MMP25: variants seen among roughly 807,000 people sequenced by gnomAD.
The protein encoded by MMP25 is matrix metalloproteinase-25.
In MMP25, 68 loss-of-function variants were observed where a neutral mutation model predicts 62.1. The observed-to-expected ratio is 1.10, with a 90% CI of 0.90 to 1.34. MMP25 has a LOEUF of 1.34. Ranked by LOEUF, MMP25 falls within the 40% of genes most tolerant of loss-of-function variation. MMP25 has a pLI of 0.00. For missense variants in MMP25, 942 were observed against 792.5 expected, an observed-to-expected ratio of 1.19 and a Z score of -2.26; for synonymous variants, 407 against 345.6, an observed-to-expected ratio of 1.18 and a Z score of -1.97.
At chr16:3,048,754 C>G (rs967634068) in intron 2 of MMP25, among the ~76,000 whole-genome samples, 1 of 152,000 alleles carries the variant, frequency 6.6e-6, no homozygotes, top group Non-Finnish European at 1.5e-5. Context: ...GATTAGCAAC[C>G]ACCTAAGTGT....
chr16:3,047,985 A>C (rs1955845741), intron 2 of MMP25, among the ~76,000 whole-genome samples: 1 of 151,954 alleles, frequency 6.6e-6, no homozygotes, highest in African/African-American at 2.4e-5. Flanking sequence ...GATTACAGGC[A>C]CGCACCATCA....
chr16:3,051,519 A>C (rs533132037), intron 4 of MMP25: 1 of 152,256 alleles, frequency 6.6e-6, no homozygotes, highest in Non-Finnish European at 1.5e-5. Context: ...TCACCATGGC[A>C]TCTAGACTGG....
At chr16:3,049,856 C>T (rs760877651) in intron 2 of MMP25, 153 bp from the exon 3 acceptor site, 23 of 1,124,920 alleles carry the variant, frequency 2.0e-5, no homozygotes, top group Non-Finnish European at 3.0e-5. Context: ...AGACAGACTG[C>T]CTGGGTTCAA....
Position 3,047,517 on chromosome 16 carries a change from T to G in MMP25, c.202T>G (p.Phe68Val). 1 of 1,613,536 alleles carries G rather than the reference T, an allele frequency of 6.2e-7. No individual in the cohort carries two copies. Among genetic ancestry groups the G allele is most frequent in the African/African-American group, 1.3e-5 (1 of 74,982 alleles). ...CGATGCCATCAAAGTCATGCAGAGG[T>G]TCGCGGGGCTGCCGGAGACCGGCCG... The part of the protein sequence containing the change: ...LRDAIKVMQR[F>V]AGLPETGRMD... Residue 68 changes from phenylalanine (F) to valine (V), a missense_variant, in exon 2 of 10, where the codon TTC becomes GTC. Phe to Val is a conservative substitution (Grantham distance 50). Transcript: ENST00000336577.
intron 2 of MMP25, 27 bp downstream of exon 2, chr16:3,047,574 C>T (rs776341467): frequency 1.2e-6 from 2 of 1,607,382 alleles, no homozygotes; most frequent in Admixed American, 3.3e-5. Context: ...CCTCCCCAGC[C>T]CTGCCTCTGC....
At chr16:3,047,144 G>C in intron 1 of MMP25, 128 bp downstream of exon 1, 1 of 1,160,138 alleles carries the variant, frequency 8.6e-7, no homozygotes. Flanking sequence ...TGAGGATGGG[G>C]TCTGTGCTCC....
At position 3,046,982 on chromosome 16, in the gene MMP25, C is replaced by G. The variant is rs1171974660; in HGVS notation, c.65C>G (p.Pro22Arg). The G allele has an allele frequency of 6.8e-6, 10 of 1,472,226 alleles. No homozygotes were observed. Among genetic ancestry groups the G allele is most frequent in the Admixed American group, 4.9e-5 (2 of 40,774 alleles). 91.2% of individuals were successfully genotyped at this position (1,472,226 alleles called of 1,614,324 possible). Residue 22 changes from proline (P) to arginine (R), a missense_variant, in exon 1 of 10, where the codon CCG becomes CGG. Physicochemically the swap from Pro to Arg is moderately radical, Grantham distance 103. Transcript: ENST00000336577. ...CTGCTGGCACCGCCCGCGCGCGCCC[C>G]GAAGCCCTCGGCGCAGGACGTGAGC... ...LLLLAPPARA[P>R]KPSAQDVSLG...
rs1316000907 is a variant in MMP25, at chr16:3,050,346, G to T, written c.461G>T (p.Gly154Val). The change falls in exon 4 of 10, where the codon GGC becomes GTC. Residue 154 changes from glycine to valine, a missense_variant. By Grantham distance (109) the Gly-to-Val change is moderately radical. Coordinates refer to ENST00000336577, the MANE Select transcript of MMP25 (RefSeq NM_022468.5). ...YALMAWGMES[G>V]LTFHEVDSPQ... ...CTGATGGCCTGGGGCATGGAGTCAG[G>T]CCTCACATTTCATGAGGTGGATTCC... 6.2e-7 allele frequency: 1 copy of T among 1,613,930 alleles called. No homozygotes were observed. Among genetic ancestry groups the T allele is most frequent in the Non-Finnish European group, 8.5e-7 (1 of 1,180,024 alleles).
At chr16:3,050,204 CT>C (rs1237556703) in intron 3 of MMP25, 49 bp from the exon 4 acceptor site, 1 of 1,575,660 alleles carries the variant, frequency 6.3e-7, no homozygotes, top group East Asian at 2.3e-5. Context: ...CTTTGAATGG[CT>C]GCCTGCTCCC....
Position 3,059,189 on chromosome 16 carries a change from C to T in MMP25, c.*91C>T, listed in dbSNP as rs1567130370. On this transcript the variant is annotated 3_prime_UTR_variant, in exon 10 of 10. Transcript: ENST00000336577. ...GGGGGTTGTGAGGCGCTGCGGAGGC[C>T]CCTTGTCTGTTCCCACGGACGGGGG... 5 of 1,382,656 alleles carry T rather than the reference C, an allele frequency of 3.6e-6. No individual in the cohort carries two copies. The highest frequency in any genetic ancestry group is 2.3e-4 in the Middle Eastern group (1 of 4,352). The allele number at this position is 1,382,656 out of a possible 1,614,324, so 85.6% of individuals were successfully genotyped here.
intron 4 of MMP25, chr16:3,051,643 C>T (rs1014347573): frequency 1.3e-5 from 2 of 152,072 alleles, no homozygotes; most frequent in South Asian, 2.1e-4. Context: ...CTTGCGGAGA[C>T]GAAAACAAAT....
chr16:3,058,834 C>T lies in MMP25; in HGVS notation c.1425C>T (p.Thr475=). Residue 475 remains threonine (T), a synonymous_variant, in exon 10 of 10, where the codon ACC becomes ACT. Coordinates refer to ENST00000336577, the MANE Select transcript of MMP25 (RefSeq NM_022468.5). ...DDVTVSNAGD[T]YFFKGAHYWR... ...CAAGCTCTGCTCCTCCAGGTGACAC[C>T]TACTTCTTCAAGGGCGCCCACTACT... The T allele has an allele frequency of 6.6e-7, 1 of 1,519,334 alleles. No homozygotes were observed. Among genetic ancestry groups the T allele is most frequent in the Non-Finnish European group, 8.8e-7 (1 of 1,130,410 alleles). 94.1% of individuals were successfully genotyped at this position (1,519,334 alleles called of 1,614,324 possible).
rs1956075704 is a variant in MMP25, at chr16:3,059,294, G to T, written c.*196G>T. ...GACCGGTCGCCTGGCGCTGGGCTCA[G>T]TCTCCTCAGGGTCTGAGACCCCGGC... On this transcript the variant is annotated 3_prime_UTR_variant, in exon 10 of 10. Transcript: ENST00000336577. 9.9e-6 allele frequency: 6 copies of T among 607,518 alleles called. No homozygotes were observed. The South Asian group carries it at 1.4e-4, about 15-fold the overall frequency. 37.6% of individuals were successfully genotyped at this position (607,518 alleles called of 1,614,324 possible).
At chr16:3,050,584 G>A (rs371639774) in intron 4 of MMP25, 38 bp downstream of exon 4, 1 of 1,494,340 alleles carries the variant, frequency 6.7e-7, no homozygotes, top group African/African-American at 1.4e-5. Flanking sequence ...CTCTTGCCAG[G>A]TCTGGTCTTA....
chr16:3,058,226 C>G lies in MMP25; in HGVS notation c.1052C>G (p.Pro351Arg). 6.2e-7 allele frequency: 1 copy of G among 1,612,660 alleles called. No homozygotes were observed. The highest frequency in any genetic ancestry group is 8.5e-7 in the Non-Finnish European group (1 of 1,179,478). ...CAGCCCTCCGGACAGCTGGTGTCCC[C>G]GCGACCCGCACGGCTGCACCGCTTC... Reference protein sequence around the residue: ...RLQPSGQLVSPRPARLHRFWE... With the variant: ...RLQPSGQLVSRRPARLHRFWE... Residue 351 changes from proline to arginine, a missense_variant, in exon 8 of 10, where the codon CCG becomes CGG. Pro to Arg is a moderately radical substitution (Grantham distance 103). Coordinates refer to ENST00000336577, the MANE Select transcript of MMP25 (RefSeq NM_022468.5).
chr16:3,055,433 C>T (rs1955989563), intron 4 of MMP25, among the ~76,000 whole-genome samples: 1 of 151,998 alleles, frequency 6.6e-6, no homozygotes, highest in Non-Finnish European at 1.5e-5. Context: ...CTACAGTCGA[C>T]AGGGAAATTC....
At chr16:3,056,098 A>C (rs1384726028) in intron 4 of MMP25, 1 of 217,124 alleles carries the variant, frequency 4.6e-6, no homozygotes, top group African/African-American at 2.7e-5. Flanking sequence ...GGAGGGGCAG[A>C]GGCTGTGAAC....
At chr16:3,049,787 G>A (rs1955872239) in intron 2 of MMP25, among the ~76,000 whole-genome samples, 2 of 152,236 alleles carry the variant, frequency 1.3e-5, no homozygotes, top group South Asian at 4.1e-4. Context: ...GTTTGTCCCA[G>A]GCCAGGTGAC....
Position 3,050,556 on chromosome 16 carries a change from CCT to C in MMP25, c.661+15_661+16del. On this transcript the variant is annotated intron_variant, in intron 4 of 9. Coordinates refer to ENST00000336577, the MANE Select transcript of MMP25 (RefSeq NM_022468.5). ...ACTTTTGGGTCAAAAGGTAAAATCTCCTCTCTTATGAGAGATCCTCTTGCCAG... is the reference window on the plus strand; with the variant it reads ...ACTTTTGGGTCAAAAGGTAAAATCTCCTCTTATGAGAGATCCTCTTGCCAG... 1.3e-6 allele frequency: 2 copies of C among 1,525,754 alleles called. No homozygotes were observed. The highest frequency in any genetic ancestry group is 1.8e-6 in the Non-Finnish European group (2 of 1,138,220). The allele number at this position is 1,525,754 out of a possible 1,614,324, so 94.5% of individuals were successfully genotyped here. A position where few individuals can be genotyped will look rare whatever the true frequency, so the allele number is the denominator to read the frequency against.
Sources: gnomAD v4.1 joint callset for allele counts (sites outside exome capture counted in the v4.1 genomes callset) on GRCh38, gnomAD v4.1.1 for gene constraint, MANE v1.5 for transcripts, NCBI Gene and HGNC (gene_info 2026-07-23, HGNC 2026-07-21) for gene names.